Variants in EPS15L1 observed in about 807,000 individuals in gnomAD.
The protein encoded by EPS15L1 is epidermal growth factor receptor pathway substrate 15 like 1.
In EPS15L1, 43 loss-of-function variants were observed where a neutral mutation model predicts 117.1. That is an observed-to-expected ratio of 0.37 (90% CI 0.29 to 0.47). The LOEUF is 0.47. Ranked by LOEUF, EPS15L1 falls within the 20% of genes least tolerant of loss-of-function variation. The pLI is 0.99. For synonymous variants in EPS15L1, 459 were observed against 470.5 expected, an observed-to-expected ratio of 0.98 and a Z score of 0.32; for missense variants, 981 against 1,164.0, an observed-to-expected ratio of 0.84 and a Z score of 2.29.
chr19:16,456,162 TG>T (rs1373973172), intron 1 of EPS15L1, among the ~76,000 whole-genome samples: 2 of 152,098 alleles, frequency 1.3e-5, no homozygotes, highest in Non-Finnish European at 2.9e-5. Flanking sequence ...GTTGTGCCAT[TG>T]CACTCCAGCC....
chr19:16,456,299 A>G (rs2093195577), intron 1 of EPS15L1, among the ~76,000 whole-genome samples: 1 of 152,198 alleles, frequency 6.6e-6, no homozygotes, highest in Non-Finnish European at 1.5e-5. Flanking sequence ...TGCTCACTCA[A>G]TCAACACATG....
At chr19:16,362,546 CAG>C (rs1555736468) in intron 22 of EPS15L1, among the ~76,000 whole-genome samples, 1 of 108,494 alleles carries the variant, frequency 9.2e-6, no homozygotes, top group Non-Finnish European at 1.7e-5. Flanking sequence ...TTTTCAGAGA[CAG>C]AGTCTTGCTC....
At chr19:16,452,981 T>C (rs945109992) in intron 1 of EPS15L1, among the ~76,000 whole-genome samples, 1 of 151,974 alleles carries the variant, frequency 6.6e-6, no homozygotes, top group Non-Finnish European at 1.5e-5. Context: ...GTATTTTTCT[T>C]AGTAGAGACG....
Position 16,395,556 on chromosome 19 carries a change from C to T in EPS15L1, c.1792-89G>A, listed in dbSNP as rs865991396. The T allele has an allele frequency of 2.4e-5, 32 of 1,312,530 alleles. No individual in the cohort carries two copies. In the Middle Eastern group the frequency reaches 6.3e-4, roughly 26 times the overall value. The allele number at this position is 1,312,530 out of a possible 1,614,324, so 81.3% of individuals were successfully genotyped here. ...ATTCCATACTTAACTCACATTTCCACTTTGAGTAGCATGACCCTAAAAAGA... is the reference window on the plus strand; with the variant it reads ...ATTCCATACTTAACTCACATTTCCATTTTGAGTAGCATGACCCTAAAAAGA... On this transcript the variant is annotated intron_variant, in intron 16 of 23. Transcript: ENST00000455140.
At chr19:16,372,236 T>G (rs561942505) in intron 22 of EPS15L1, among the ~76,000 whole-genome samples, 14 of 152,298 alleles carry the variant, frequency 9.2e-5, no homozygotes, top group Admixed American at 5.9e-4. Flanking sequence ...TCGAGGAACC[T>G]CTGCAGGTTC....
chr19:16,379,856 GCTGT>G lies in EPS15L1; in HGVS notation c.2248-2606_2248-2603del, dbSNP rs372876215. ...TCCAGCATCTAGTCACACAAAAGTG[GCTGT>G]CTAAGACTGTAGACTAGCCACACCA... On this transcript the variant is annotated intron_variant, in intron 21 of 23. Transcript: ENST00000455140. Among the ~76,000 whole-genome samples, 87 of 151,616 alleles carry G rather than the reference GCTGT, an allele frequency of 5.7e-4. 1 individual carries two copies. The East Asian group carries it at 0.015, about 26-fold the overall frequency.
intron 5 of EPS15L1, 138 bp from the exon 6 acceptor site, chr19:16,437,137 CAT>C (rs2145048748): frequency 1.5e-6 from 1 of 679,854 alleles, no homozygotes; most frequent in Non-Finnish European, 2.6e-6. Flanking sequence ...AGAATCACCA[CAT>C]GACCCAGCAA....
chr19:16,439,482 A>G (rs2093009026), intron 4 of EPS15L1, among the ~76,000 whole-genome samples: 1 of 152,112 alleles, frequency 6.6e-6, no homozygotes, highest in Admixed American at 6.6e-5. Flanking sequence ...GCTTGAGCAC[A>G]GGAGTTTGAG....
intron 1 of EPS15L1, among the ~76,000 whole-genome samples, chr19:16,468,342 G>T (rs1229241754): frequency 6.6e-6 from 1 of 152,150 alleles, no homozygotes; most frequent in African/African-American, 2.4e-5. Flanking sequence ...GCTTACTAAG[G>T]TCATCAAAGC....
chr19:16,399,681 GT>G (rs5827337), intron 16 of EPS15L1, among the ~76,000 whole-genome samples: 537 of 139,420 alleles, frequency 3.9e-3, no homozygotes, highest in African/African-American at 5.9e-3. Flanking sequence ...GCTTTTTGGG[GT>G]TTTTTTTTTT....
In EPS15L1 at chr19:16,413,757, C is replaced by T. The variant is rs73511116; in HGVS notation, c.1266+16G>A. On this transcript the variant is annotated intron_variant, in intron 13 of 23. Transcript: ENST00000455140. The stretch of plus-strand genomic sequence containing the variant: ...TAGCACAAAGTAGATGTAACCAAAA[C>T]GAACGAGACCCTTACCTGCACCTCG... 6.3e-4 allele frequency: 1,018 copies of T among 1,611,162 alleles called. 6 individuals carry two copies. In the African/African-American group the frequency reaches 0.012, roughly 19 times the overall value.
intron 21 of EPS15L1, among the ~76,000 whole-genome samples, chr19:16,379,321 A>T (rs921862594): frequency 1.8e-4 from 28 of 152,106 alleles, no homozygotes; most frequent in Non-Finnish European, 2.9e-4. Context: ...AAAAAAAATT[A>T]AAAAAGATCA....
intron 22 of EPS15L1, among the ~76,000 whole-genome samples, chr19:16,373,153 C>T (rs967783362): frequency 6.6e-6 from 1 of 152,232 alleles, no homozygotes; most frequent in African/African-American, 2.4e-5. Flanking sequence ...AGACTGCCCA[C>T]TGGACAGCCT....
chr19:16,407,042 C>T (rs1433810211), intron 13 of EPS15L1, among the ~76,000 whole-genome samples: 1 of 152,232 alleles, frequency 6.6e-6, no homozygotes, highest in Non-Finnish European at 1.5e-5. Flanking sequence ...GCTGAATCTG[C>T]AGGCCCCTTG....
intron 18 of EPS15L1, 105 bp from the exon 19 acceptor site, chr19:16,392,545 G>T: frequency 2.6e-6 from 3 of 1,156,046 alleles, no homozygotes; most frequent in Non-Finnish European, 3.7e-6. Flanking sequence ...ATTCTAGAAA[G>T]GTAAGAACGC....
At chr19:16,442,095 G>A (rs773574575) in intron 2 of EPS15L1, 83 bp downstream of exon 2, 82 of 1,485,298 alleles carry the variant, frequency 5.5e-5, no homozygotes, top group South Asian at 8.0e-5. Flanking sequence ...ACAAAAGGCC[G>A]CTCAGCCGGG....
In EPS15L1 at chr19:16,463,767, A is replaced by C. The variant is rs143327127; in HGVS notation, c.33+8146T>G. 5.9e-5 allele frequency among the ~76,000 whole-genome samples: 9 copies of C among 152,352 alleles called. No individual in the cohort carries two copies. In the East Asian group the frequency reaches 1.7e-3, roughly 29 times the overall value. ...AAACGGCTAAATGGAAAAGGTGTCCATCTCCACCAGTGGTAACAGAGATGC... is the reference window on the plus strand; with the variant it reads ...AAACGGCTAAATGGAAAAGGTGTCCCTCTCCACCAGTGGTAACAGAGATGC... On this transcript the variant is annotated intron_variant, in intron 1 of 23. Coordinates refer to ENST00000455140, the MANE Select transcript of EPS15L1 (RefSeq NM_001258374.3).
intron 1 of EPS15L1, among the ~76,000 whole-genome samples, chr19:16,464,189 T>G (rs1461032168): frequency 6.6e-6 from 1 of 152,210 alleles, no homozygotes; most frequent in Non-Finnish European, 1.5e-5. Flanking sequence ...CAGATGGAAA[T>G]CCGAGACAAA....
At chr19:16,388,477 T>C (rs2092443966) in intron 19 of EPS15L1, among the ~76,000 whole-genome samples, 1 of 151,946 alleles carries the variant, frequency 6.6e-6, no homozygotes, top group Non-Finnish European at 1.5e-5. Flanking sequence ...AGAGAGAATC[T>C]TGAAAGTAGC....
Sources: allele counts gnomAD v4.1 joint callset (sites outside exome capture counted in the v4.1 genomes callset), GRCh38; gene constraint gnomAD v4.1.1; transcripts MANE v1.5; gene names NCBI Gene and HGNC (gene_info 2026-07-23, HGNC 2026-07-21).